MED13L: variants seen among roughly 807,000 people sequenced by gnomAD.
MED13L encodes mediator complex subunit 13L.
MED13L carries 7 observed loss-of-function variants against 220.9 expected under a neutral mutation model. That is an observed-to-expected ratio of 0.03 (90% CI 0.02 to 0.06). MED13L has a LOEUF of 0.06. Ranked by LOEUF, MED13L falls within the 10% of genes least tolerant of loss-of-function variation. The pLI, the probability that MED13L is intolerant of heterozygous loss-of-function variation, is 1.00. For synonymous variants in MED13L, 1,011 were observed against 1,015.2 expected (o/e 1.00, Z 0.08); for missense variants, 1,965 against 2,760.5 (o/e 0.71, Z 6.46).
chr12:116,134,813 C>A (rs1876390623), intron 2 of MED13L, among the ~76,000 whole-genome samples: 1 of 152,016 alleles, frequency 6.6e-6, no homozygotes. Flanking sequence ...AGAGGTAAGG[C>A]CTGTATTTCT....
At chr12:116,259,421 A>G (rs1872328367) in intron 1 of MED13L, among the ~76,000 whole-genome samples, 2 of 152,244 alleles carry the variant, frequency 1.3e-5, no homozygotes, top group Admixed American at 6.5e-5. Context: ...ATACGATTCA[A>G]TATTAAAAGT....
At chr12:116,150,725 T>C (rs1434413301) in intron 2 of MED13L, among the ~76,000 whole-genome samples, 4 of 152,164 alleles carry the variant, frequency 2.6e-5, no homozygotes, top group Non-Finnish European at 1.5e-5. Flanking sequence ...AGCCAGAAAA[T>C]AGTGAAAACT....
chr12:116,091,120 C>CAAAAAAAAAAAAAAA (rs5801163), intron 4 of MED13L, among the ~76,000 whole-genome samples: 3 of 87,388 alleles, frequency 3.4e-5, no homozygotes, highest in Non-Finnish European at 6.9e-5. Flanking sequence ...AACTCTGTCT[C>CAAAAAAAAAAAAAAA]AAAAAAAAAA....
chr12:116,098,450 T>C (rs1309583502), intron 3 of MED13L, among the ~76,000 whole-genome samples: 2 of 152,204 alleles, frequency 1.3e-5, no homozygotes, highest in African/African-American at 4.8e-5. Context: ...AAAAGAGTTA[T>C]ATAGCAATTC....
intron 8 of MED13L, among the ~76,000 whole-genome samples, chr12:116,013,723 A>G (rs1173459723): frequency 6.6e-6 from 1 of 152,242 alleles, no homozygotes; most frequent in African/African-American, 2.4e-5. Context: ...TTTATTATAC[A>G]ATGAAATAAC....
intron 14 of MED13L, among the ~76,000 whole-genome samples, chr12:115,999,449 C>T (rs1440899835): frequency 6.6e-6 from 1 of 151,780 alleles, no homozygotes; most frequent in East Asian, 1.9e-4. Flanking sequence ...ACCTTTAGTC[C>T]CTATTCCTCC....
intron 4 of MED13L, among the ~76,000 whole-genome samples, chr12:116,091,371 A>C (rs571679380): frequency 3.3e-5 from 5 of 152,172 alleles, no homozygotes; most frequent in African/African-American, 1.2e-4. Context: ...GTTATTAAGA[A>C]AAAAAGGAAA....
At chr12:116,027,595 C>T (rs1880478761) in intron 4 of MED13L, among the ~76,000 whole-genome samples, 1 of 152,090 alleles carries the variant, frequency 6.6e-6, no homozygotes, top group Non-Finnish European at 1.5e-5. Flanking sequence ...GAAGCCCTTG[C>T]CTCCTATCCT....
chr12:116,233,090 GAAAAAAAA>G (rs530903194), intron 2 of MED13L, among the ~76,000 whole-genome samples: 3 of 82,956 alleles, frequency 3.6e-5, no homozygotes, highest in South Asian at 8.3e-4. Flanking sequence ...CTGTCTAAAG[GAAAAAAAA>G]AAAAAAAAAA....
At chr12:116,015,075 A>T in intron 8 of MED13L, 34 bp downstream of exon 8, 1 of 1,597,040 alleles carries the variant, frequency 6.3e-7, no homozygotes, top group Non-Finnish European at 8.6e-7. Context: ...GATGGTTACT[A>T]AACTATGATC....
chr12:116,093,285 T>C (rs1872387247), intron 4 of MED13L, among the ~76,000 whole-genome samples: 1 of 152,192 alleles, frequency 6.6e-6, no homozygotes, highest in Admixed American at 6.5e-5. Flanking sequence ...TTGTATTTTC[T>C]ACTTATTCTT....
intron 2 of MED13L, among the ~76,000 whole-genome samples, chr12:116,165,259 CTTTTTTT>C (rs34196219): frequency 0.062 from 4,586 of 74,490 alleles, 124 homozygotes; most frequent in African/African-American, 0.14. Flanking sequence ...AGGCACCATC[CTTTTTTT>C]TTTTTTTTTT....
At chr12:116,086,267 G>A (rs904209231) in intron 4 of MED13L, among the ~76,000 whole-genome samples, 1 of 148,856 alleles carries the variant, frequency 6.7e-6, no homozygotes, top group African/African-American at 2.5e-5. Context: ...TAATTTAGCA[G>A]TTTTCCACGA....
chr12:116,198,692 A>C (rs1303426890), intron 2 of MED13L, among the ~76,000 whole-genome samples: 1 of 152,028 alleles, frequency 6.6e-6, no homozygotes, highest in African/African-American at 2.4e-5. Context: ...CCTGCCTCTA[A>C]CACCTCCCCT....
intron 3 of MED13L, among the ~76,000 whole-genome samples, chr12:116,103,999 C>CTTTTTTTTTTTTTTTTTTTTT (rs36066243): frequency 1.7e-5 from 1 of 57,418 alleles, no homozygotes; most frequent in African/African-American, 7.7e-5. Context: ...GGACATTGCT[C>CTTTTTTTTTTTTTTTTTTTTT]TTTTTTTTTT....
intron 19 of MED13L, 25 bp downstream of exon 19, chr12:115,986,241 G>A (rs1000720846): frequency 3.1e-6 from 5 of 1,599,718 alleles, no homozygotes; most frequent in African/African-American, 1.3e-5. Flanking sequence ...GTCATAAAAA[G>A]CAATTTTCAC....
intron 2 of MED13L, among the ~76,000 whole-genome samples, chr12:116,164,576 A>G (rs1241236483): frequency 6.6e-6 from 1 of 152,214 alleles, no homozygotes; most frequent in East Asian, 1.9e-4. Flanking sequence ...CTTCAGGCTT[A>G]TCTCCCACAC....
intron 4 of MED13L, among the ~76,000 whole-genome samples, chr12:116,083,797 C>A (rs1191355211): frequency 6.6e-6 from 1 of 152,172 alleles, no homozygotes; most frequent in Non-Finnish European, 1.5e-5. Context: ...TCACCCTAGC[C>A]TCAGTTACAA....
chr12:116,259,176 C>T lies in MED13L; in HGVS notation c.72+17884G>A, dbSNP rs201811453. Reference sequence around the variant, plus strand: ...CATCTTATGAAACAGGATACAACTGCTCAAAAACATAATAAAAATGAGTAA... The same window carrying T: ...CATCTTATGAAACAGGATACAACTGTTCAAAAACATAATAAAAATGAGTAA... On this transcript the variant is annotated intron_variant, in intron 1 of 30. Coordinates refer to ENST00000281928, the MANE Select transcript of MED13L (RefSeq NM_015335.5). Among the ~76,000 whole-genome samples, 15 of 152,112 alleles carry T rather than the reference C, an allele frequency of 9.9e-5. No homozygotes were observed. The East Asian group carries it at 2.7e-3, about 27-fold the overall frequency.
Sources: gnomAD v4.1 joint callset for allele counts (sites outside exome capture counted in the v4.1 genomes callset) on GRCh38, gnomAD v4.1.1 for gene constraint, MANE v1.5 for transcripts, NCBI Gene and HGNC (gene_info 2026-07-23, HGNC 2026-07-21) for gene names.